Variants in NPAS3 observed in about 807,000 individuals in gnomAD.
The protein encoded by NPAS3 is neuronal PAS domain-containing protein 3.
In NPAS3, 14 loss-of-function variants were observed where a neutral mutation model predicts 73.1. The ratio of observed to expected loss-of-function variants is 0.19; its 90% CI spans 0.13 to 0.30. The LOEUF (loss-of-function observed/expected upper bound fraction) is 0.30, where lower values mean the gene tolerates loss of function less well. NPAS3 is among the 10% of genes least tolerant of loss of function. NPAS3 has a pLI of 1.00. For synonymous variants in NPAS3, 620 were observed against 541.5 expected (o/e 1.14, Z -2.01); for missense variants, 1,096 against 1,250.0 (o/e 0.88, Z 1.86).
At chr14:33,358,584 C>T (rs981868106) in intron 3 of NPAS3, among the ~76,000 whole-genome samples, 3 of 152,162 alleles carry the variant, frequency 2.0e-5, no homozygotes, top group Non-Finnish European at 4.4e-5. Flanking sequence ...CTAAGGCCTT[C>T]CCTGACTCCA....
chr14:33,785,434 C>CAAAAAAA (rs1223437695), intron 9 of NPAS3, among the ~76,000 whole-genome samples: 1 of 75,400 alleles, frequency 1.3e-5, no homozygotes. Context: ...GACTCCATCT[C>CAAAAAAA]AAAAAAAAAA....
At chr14:33,477,848 A>G (rs553512008) in intron 4 of NPAS3, among the ~76,000 whole-genome samples, 1 of 152,346 alleles carries the variant, frequency 6.6e-6, no homozygotes, top group Admixed American at 6.5e-5. Context: ...AATCACAAAT[A>G]AAAGGAACTA....
At chr14:33,279,255 T>C (rs2041478553) in intron 3 of NPAS3, among the ~76,000 whole-genome samples, 1 of 152,180 alleles carries the variant, frequency 6.6e-6, no homozygotes, top group African/African-American at 2.4e-5. Context: ...TCCTCTTTAC[T>C]TTATGTTTGT....
At chr14:33,722,986 A>T (rs1381540302) in intron 6 of NPAS3, among the ~76,000 whole-genome samples, 1 of 152,176 alleles carries the variant, frequency 6.6e-6, no homozygotes, top group East Asian at 1.9e-4. Flanking sequence ...GATTCAGGAG[A>T]TATTGTGGAG....
At chr14:33,775,773 G>T (rs2062794543) in intron 8 of NPAS3, among the ~76,000 whole-genome samples, 1 of 152,114 alleles carries the variant, frequency 6.6e-6, no homozygotes, top group Non-Finnish European at 1.5e-5. Flanking sequence ...ATTCTGGAAG[G>T]GCCACAGAAC....
At chr14:33,014,760 C>T (rs866199425) in intron 1 of NPAS3, among the ~76,000 whole-genome samples, 14 of 152,072 alleles carry the variant, frequency 9.2e-5, no homozygotes, top group African/African-American at 2.4e-4. Context: ...AGAACACCAG[C>T]GGGAAATTAT....
chr14:33,361,516 C>T lies in NPAS3; in HGVS notation c.386-5670C>T, dbSNP rs773910059. On this transcript the variant is annotated intron_variant, in intron 3 of 11. Transcript: ENST00000356141. ...AAAAGCAGACATGGTTTCTTTTTCC[C>T]AAAAGCAGTTCATTTATAAGTATTA... is the stretch of plus-strand genomic sequence containing the variant. Among the ~76,000 whole-genome samples the T allele has an allele frequency of 7.9e-5, 12 of 152,168 alleles. No individual in the cohort carries two copies. The East Asian group carries it at 1.7e-3, about 22-fold the overall frequency.
At chr14:33,033,600 G>A (rs1367219268) in intron 1 of NPAS3, among the ~76,000 whole-genome samples, 2 of 152,034 alleles carry the variant, frequency 1.3e-5, no homozygotes, top group Admixed American at 6.6e-5. Flanking sequence ...AGTAGATCAT[G>A]CCCCCAGTGT....
At chr14:33,601,136 C>G (rs1037780603) in intron 5 of NPAS3, among the ~76,000 whole-genome samples, 2 of 152,176 alleles carry the variant, frequency 1.3e-5, no homozygotes, top group Non-Finnish European at 2.9e-5. Context: ...AACAGACAGA[C>G]TATCCATTCA....
chr14:33,567,155 A>G (rs2055996101), intron 5 of NPAS3, among the ~76,000 whole-genome samples: 3 of 152,182 alleles, frequency 2.0e-5, no homozygotes, highest in African/African-American at 7.2e-5. Flanking sequence ...ACTTCTTGAA[A>G]GCAGCAAATA....
chr14:33,267,537 A>G (rs577688588), intron 3 of NPAS3, among the ~76,000 whole-genome samples: 5 of 152,142 alleles, frequency 3.3e-5, no homozygotes, highest in African/African-American at 1.2e-4. Flanking sequence ...TGAAATCTCA[A>G]CCATGAAATT....
intron 4 of NPAS3, among the ~76,000 whole-genome samples, chr14:33,485,132 T>A (rs142248648): frequency 2.0e-5 from 3 of 152,276 alleles, no homozygotes; most frequent in South Asian, 2.1e-4. Context: ...AGCTTTCTCA[T>A]GTATAGACGG....
chr14:33,769,756 C>CTTTTTTTTTTTTTTTTTTTTT lies in NPAS3; in HGVS notation c.853-4575_853-4555dup, dbSNP rs916953785. On this transcript the variant is annotated intron_variant, in intron 7 of 11. Coordinates refer to ENST00000356141, the Ensembl canonical transcript of NPAS3. ...CCTGAAAGACTTGGATTTTTTTTTT[C>CTTTTTTTTTTTTTTTTTTTTT]TTTTTTTTTTTTTTTTTTTTTTTTT... is the stretch of plus-strand genomic sequence containing the variant. Among the ~76,000 whole-genome samples the CTTTTTTTTTTTTTTTTTTTTT allele has an allele frequency of 8.5e-5, 7 of 81,880 alleles. 1 individual carries two copies. The East Asian group carries it at 1.6e-3, about 19-fold the overall frequency. The allele number at this position is 81,880 out of a possible 152,430, so 53.7% of individuals were successfully genotyped here. A position where few individuals can be genotyped will look rare whatever the true frequency, so the allele number is the denominator to read the frequency against.
intron 3 of NPAS3, among the ~76,000 whole-genome samples, chr14:33,279,083 A>C (rs1357872129): frequency 6.6e-6 from 1 of 152,166 alleles, no homozygotes; most frequent in Non-Finnish European, 1.5e-5. Flanking sequence ...AGAGCTTATT[A>C]AACACAGATT....
intron 4 of NPAS3, among the ~76,000 whole-genome samples, chr14:33,378,167 A>G (rs1257267336): frequency 6.6e-6 from 1 of 152,224 alleles, no homozygotes; most frequent in Non-Finnish European, 1.5e-5. Flanking sequence ...TGTTAGAATT[A>G]GATGAGATAC....
chr14:33,528,917 T>C (rs2053921616), intron 4 of NPAS3, among the ~76,000 whole-genome samples: 1 of 152,172 alleles, frequency 6.6e-6, no homozygotes, highest in South Asian at 2.1e-4. Context: ...TCTGAGGACC[T>C]GAGCAACTCA....
intron 4 of NPAS3, among the ~76,000 whole-genome samples, chr14:33,503,119 A>T (rs761684240): frequency 6.6e-6 from 1 of 152,004 alleles, no homozygotes; most frequent in Non-Finnish European, 1.5e-5. Context: ...AACCAGGAAT[A>T]CACATAAAAT....
chr14:33,635,146 G>T (rs2058480324), intron 5 of NPAS3, among the ~76,000 whole-genome samples: 2 of 152,210 alleles, frequency 1.3e-5, no homozygotes, highest in Admixed American at 1.3e-4. Context: ...CGTACATTGT[G>T]CCATTTAAAG....
At chr14:33,132,560 T>C (rs1327796222) in intron 2 of NPAS3, among the ~76,000 whole-genome samples, 1 of 152,082 alleles carries the variant, frequency 6.6e-6, no homozygotes, top group African/African-American at 2.4e-5. Flanking sequence ...CCAAGTGCTG[T>C]GGGACTATAA....
Sources: gnomAD v4.1 joint callset for allele counts (sites outside exome capture counted in the v4.1 genomes callset) on GRCh38, gnomAD v4.1.1 for gene constraint, MANE v1.5 for transcripts, NCBI Gene and HGNC (gene_info 2026-07-23, HGNC 2026-07-21) for gene names.